The following LMX1B variants were observed in gnomAD, a reference collection of about 807,000 sequenced individuals.
LMX1B encodes LIM homeobox transcription factor 1 beta, also known as LIM homeobox transcription factor 1-beta.
LMX1B carries 12 observed loss-of-function variants against 51.4 expected under a neutral mutation model. The ratio of observed to expected loss-of-function variants is 0.23; its 90% confidence interval spans 0.15 to 0.38. LMX1B has a LOEUF of 0.38. LMX1B is among the 10% of genes least tolerant of loss of function. LMX1B has a pLI of 1.00. For missense variants in LMX1B, 445 were observed against 571.1 expected, an observed-to-expected ratio of 0.78 and a Z score of 2.25; for synonymous variants, 237 against 235.4, an observed-to-expected ratio of 1.01 and a Z score of -0.06.
chr9:126,680,548 C>T (rs761486048), intron 2 of LMX1B, among the ~76,000 whole-genome samples: 33 of 152,226 alleles, frequency 2.2e-4, no homozygotes, highest in East Asian at 1.9e-4. Context: ...ATTTGGCAAC[C>T]AGGAGCTGCT....
At position 126,673,887 on chromosome 9, in the gene LMX1B, G is replaced by A. The variant is rs1057448159; in HGVS notation, c.327-16949G>A. On this transcript the variant is annotated intron_variant, in intron 2 of 7. Coordinates refer to ENST00000373474, the MANE Select transcript of LMX1B (RefSeq NM_001174147.2). This position sits in a 1 kb window ranked among gnomAD's most constrained non-coding sequence, Gnocchi z 4.4. ...TGTGGCAGCAGCAGAGTAAACAGCC[G>A]CTGCCCTGTCCTCTCTGCGGCCGTG... 3.3e-5 allele frequency among the ~76,000 whole-genome samples: 5 copies of A among 152,168 alleles called. No individual in the cohort carries two copies. The highest frequency in any genetic ancestry group is 9.7e-5 in the African/African-American group (4 of 41,430).
intron 2 of LMX1B, among the ~76,000 whole-genome samples, chr9:126,681,187 T>C (rs1836663448): frequency 6.6e-6 from 1 of 152,196 alleles, no homozygotes; most frequent in African/African-American, 2.4e-5. Context: ...ATTGTATCTC[T>C]GGGTGTGTCT....
intron 2 of LMX1B, among the ~76,000 whole-genome samples, chr9:126,655,912 A>C (rs541508303): frequency 6.6e-6 from 1 of 152,292 alleles, no homozygotes; most frequent in Admixed American, 6.5e-5. Flanking sequence ...GCTACTTCCC[A>C]AAAGGGTATA....
chr9:126,679,949 C>G (rs753167539), intron 2 of LMX1B, among the ~76,000 whole-genome samples: 1 of 152,214 alleles, frequency 6.6e-6, no homozygotes, highest in Non-Finnish European at 1.5e-5. Flanking sequence ...GCCCTCCACC[C>G]GGCTAAGTTT....
chr9:126,670,662 C>G (rs10118567), intron 2 of LMX1B, among the ~76,000 whole-genome samples: 7,809 of 152,194 alleles, frequency 0.051, 675 homozygotes, highest in African/African-American at 0.18. Flanking sequence ...ACATGCAATA[C>G]AGGTATGCAC....
intron 2 of LMX1B, among the ~76,000 whole-genome samples, chr9:126,689,763 T>C (rs1411908944): frequency 6.6e-6 from 1 of 152,174 alleles, no homozygotes; most frequent in African/African-American, 2.4e-5. Flanking sequence ...ATGTGGAAGC[T>C]GGATTAGGCC....
At position 126,696,651 on chromosome 9, in the gene LMX1B, C is replaced by T. The variant is rs562876862; in HGVS notation, c.*200C>T. On this transcript the variant is annotated 3_prime_UTR_variant, in exon 8 of 8. Transcript: ENST00000373474. ...TAGATGGGCACAGCCTGGGCAGGGG[C>T]TGTGTCCTGCCCACAGAGACCTTGT... 181 of 613,434 alleles carry T rather than the reference C, an allele frequency of 3.0e-4. No individual in the cohort carries two copies. In the African/African-American group the frequency reaches 3.0e-3, roughly 10 times the overall value. The allele number at this position is 613,434 out of a possible 1,614,324, so 38.0% of individuals were successfully genotyped here. A position where few individuals can be genotyped will look rare whatever the true frequency, so the allele number is the denominator to read the frequency against.
intron 2 of LMX1B, among the ~76,000 whole-genome samples, chr9:126,690,617 G>A (rs1256674439): frequency 6.6e-6 from 1 of 152,214 alleles, no homozygotes; most frequent in Non-Finnish European, 1.5e-5. Context: ...GGTGACTCTA[G>A]GCAGGATGCC....
intron 2 of LMX1B, among the ~76,000 whole-genome samples, chr9:126,623,331 G>A (rs908184235): frequency 1.6e-4 from 25 of 152,222 alleles, no homozygotes; most frequent in African/African-American, 6.0e-4. Context: ...AGACTCCTGA[G>A]CATGGTCAGT....
intron 2 of LMX1B, among the ~76,000 whole-genome samples, chr9:126,684,407 G>A (rs1311987533): frequency 6.6e-6 from 1 of 152,144 alleles, no homozygotes; most frequent in Admixed American, 6.6e-5. Context: ...GATCCCTCCT[G>A]TGCCAGACGC....
chr9:126,640,045 G>A (rs927106156), intron 2 of LMX1B, among the ~76,000 whole-genome samples: 5 of 152,242 alleles, frequency 3.3e-5, no homozygotes, highest in African/African-American at 7.2e-5. Context: ...CAGTTAATGC[G>A]GGTGGCGGGA....
At position 126,652,717 on chromosome 9, in the gene LMX1B, G is replaced by A. The variant is rs868435180; in HGVS notation, c.326+37148G>A. Among the ~76,000 whole-genome samples the A allele has an allele frequency of 3.7e-4, 56 of 152,328 alleles. No individual in the cohort carries two copies. In the Middle Eastern group the frequency reaches 0.017, roughly 46 times the overall value. ...ACTGGGCACTGCTTGGCGTCCACATGATGGGGGTCCCTGCCAATCCCACCC... is the reference window on the plus strand; with the variant it reads ...ACTGGGCACTGCTTGGCGTCCACATAATGGGGGTCCCTGCCAATCCCACCC... On this transcript the variant is annotated intron_variant, in intron 2 of 7. Coordinates refer to ENST00000373474, the MANE Select transcript of LMX1B (RefSeq NM_001174147.2).
intron 2 of LMX1B, among the ~76,000 whole-genome samples, chr9:126,685,275 A>T (rs370262561): frequency 1.5e-4 from 23 of 152,044 alleles, no homozygotes; most frequent in African/African-American, 5.6e-4. Flanking sequence ...GCAAGAAGGG[A>T]CTTGCTATGT....
intron 2 of LMX1B, among the ~76,000 whole-genome samples, chr9:126,622,315 C>T (rs1452828837): frequency 1.3e-5 from 2 of 152,270 alleles, no homozygotes; most frequent in Admixed American, 6.5e-5. Flanking sequence ...GCTTCCTGGC[C>T]GGGCCAGTGC....
chr9:126,694,335 C>T (rs1440374168), intron 6 of LMX1B, among the ~76,000 whole-genome samples: 2 of 152,192 alleles, frequency 1.3e-5, no homozygotes, highest in African/African-American at 2.4e-5. Context: ...AGCTGGACCT[C>T]AGCCCCAAGC....
chr9:126,684,229 A>C (rs1021868287), intron 2 of LMX1B, among the ~76,000 whole-genome samples: 1 of 152,136 alleles, frequency 6.6e-6, no homozygotes, highest in African/African-American at 2.4e-5. Flanking sequence ...ACCAGCCTAG[A>C]ATCTGCCTGG....
At chr9:126,663,688 A>G (rs1836287917) in intron 2 of LMX1B, among the ~76,000 whole-genome samples, 1 of 152,202 alleles carries the variant, frequency 6.6e-6, no homozygotes, top group Non-Finnish European at 1.5e-5. Context: ...CACCATTTCA[A>G]TTTGTTTTGG....
chr9:126,646,824 C>T (rs954181486), intron 2 of LMX1B, among the ~76,000 whole-genome samples: 1 of 152,196 alleles, frequency 6.6e-6, no homozygotes, highest in African/African-American at 2.4e-5. Context: ...GCTCCTTGTG[C>T]TGGCTCTGGA....
chr9:126,625,818 C>T lies in LMX1B; in HGVS notation c.326+10249C>T, dbSNP rs1046038385. 2.0e-5 allele frequency among the ~76,000 whole-genome samples: 3 copies of T among 152,224 alleles called. No homozygotes were observed. Among genetic ancestry groups the T allele is most frequent in the Non-Finnish European group, 2.9e-5 (2 of 68,040 alleles). On this transcript the variant is annotated intron_variant, in intron 2 of 7. Transcript: ENST00000373474. The surrounding 1 kb of genome is among the most constrained non-coding windows in gnomAD (Gnocchi z 5.3). ...TGGCCCTTCGACGTCGCCGCCGTGC[C>T]TGAGCCCCGCTGCCTGCTCGGACAA...
Sources: gnomAD v4.1 joint callset for allele counts (sites outside exome capture counted in the v4.1 genomes callset) on GRCh38, gnomAD v4.1.1 for gene constraint, Gnocchi (gnomAD v3.1) non-coding constraint, MANE v1.5 for transcripts, NCBI Gene and HGNC (gene_info 2026-07-23, HGNC 2026-07-21) for gene names.